Variants in UNC5C observed in about 807,000 individuals in gnomAD.
The protein encoded by UNC5C is netrin receptor UNC5C.
In UNC5C, 47 loss-of-function variants were observed where a neutral mutation model predicts 99.8. The ratio of observed to expected loss-of-function variants is 0.47; its 90% CI spans 0.37 to 0.60. The LOEUF (loss-of-function observed/expected upper bound fraction) is 0.60, where lower values mean the gene tolerates loss of function less well. Ranked by LOEUF, UNC5C falls within the 20% of genes least tolerant of loss-of-function variation. The probability of loss-of-function intolerance (pLI) is 0.00; values close to 1 mark genes in which losing one functional copy is unlikely to be tolerated. For synonymous variants in UNC5C, 487 were observed against 452.2 expected (o/e 1.08, Z -0.98); for missense variants, 1,062 against 1,165.9 (o/e 0.91, Z 1.30).
chr4:95,388,805 A>T (rs964983930), intron 1 of UNC5C, among the ~76,000 whole-genome samples: 1 of 152,184 alleles, frequency 6.6e-6, no homozygotes, highest in African/African-American at 2.4e-5. Context: ...AGACAAATTC[A>T]TATCATTTCT....
chr4:95,185,260 C>G (rs954363798), intron 12 of UNC5C, 64 bp from the exon 13 acceptor site: 38 of 1,524,474 alleles, frequency 2.5e-5, no homozygotes, highest in Non-Finnish European at 3.2e-5. Context: ...TCAGCTCTCT[C>G]ATTGAATAAG....
intron 1 of UNC5C, among the ~76,000 whole-genome samples, chr4:95,370,232 G>A (rs374364292): frequency 5.3e-5 from 8 of 151,696 alleles, no homozygotes; most frequent in Non-Finnish European, 2.9e-5. Flanking sequence ...TTTTATTATG[G>A]AATACATGTT....
At chr4:95,497,838 C>T (rs576331105) in intron 1 of UNC5C, among the ~76,000 whole-genome samples, 39 of 151,956 alleles carry the variant, frequency 2.6e-4, no homozygotes, top group African/African-American at 8.9e-4. Flanking sequence ...TTAAAAAATA[C>T]GCATTTTATT....
In UNC5C at chr4:95,424,518, C is replaced by CTTTCTTTTTTTTTTTTTTTTTTTT. The variant is rs1746411107; in HGVS notation, c.125-88888_125-88887insAAAAAAAAAAAAAAAAAAAAGAAA. ...GGCTTCAGAATTTTTTTTTTCTTTT[C>CTTTCTTTTTTTTTTTTTTTTTTTT]TTTTTTTTTTTTTTTTTTTTTGAGA... On this transcript the variant is annotated intron_variant, in intron 1 of 15. Coordinates refer to ENST00000453304, the MANE Select transcript of UNC5C (RefSeq NM_003728.4). Among the ~76,000 whole-genome samples, 53 of 67,954 alleles carry CTTTCTTTTTTTTTTTTTTTTTTTT rather than the reference C, an allele frequency of 7.8e-4. 1 individual carries two copies. Among genetic ancestry groups the CTTTCTTTTTTTTTTTTTTTTTTTT allele is most frequent in the Non-Finnish European group, 1.0e-3 (39 of 37,218 alleles). 44.6% of individuals were successfully genotyped at this position (67,954 alleles called of 152,430 possible).
intron 1 of UNC5C, among the ~76,000 whole-genome samples, chr4:95,356,193 C>CAAAAAAAAAAAAAAAA (rs59097041): frequency 1.7e-5 from 1 of 57,984 alleles, no homozygotes; most frequent in African/African-American, 7.9e-5. Flanking sequence ...GACCCTGTAG[C>CAAAAAAAAAAAAAAAA]AAAAAAAAAA....
intron 7 of UNC5C, among the ~76,000 whole-genome samples, chr4:95,230,500 G>A (rs1244113509): frequency 1.5e-4 from 22 of 149,574 alleles, no homozygotes; most frequent in South Asian, 4.3e-4. Flanking sequence ...TGATGTTTTA[G>A]TCATGAAGTC....
rs1265509176 is a variant in UNC5C at position 95,169,046 on chromosome 4, GTGA to G, written c.*185_*187del. On this transcript the variant is annotated 3_prime_UTR_variant, in exon 16 of 16. Transcript: ENST00000453304. ...ATTTACACAATTTTTCTTAACTCCC[GTGA>G]TGATGTCCGAGTAAAGTGGGCATGT... is the stretch of plus-strand genomic sequence containing the variant. 3.1e-6 allele frequency: 2 copies of G among 642,654 alleles called. No individual in the cohort carries two copies. The highest frequency in any genetic ancestry group is 5.2e-6 in the Non-Finnish European group (2 of 385,570). 39.8% of individuals were successfully genotyped at this position (642,654 alleles called of 1,614,324 possible). A position where few individuals can be genotyped will look rare whatever the true frequency, so the allele number is the denominator to read the frequency against.
rs925868027 is a variant in UNC5C at position 95,266,039 on chromosome 4, T to G, written c.594+12220A>C. Among the ~76,000 whole-genome samples the G allele has an allele frequency of 1.6e-4, 24 of 152,354 alleles. 1 individual carries two copies. The highest frequency in any genetic ancestry group is 2.6e-4 in the Admixed American group (4 of 15,310). On this transcript the variant is annotated intron_variant, in intron 4 of 15. Coordinates refer to ENST00000453304, the MANE Select transcript of UNC5C (RefSeq NM_003728.4). ...ACAATGATGATTCAGTGCCTCTTAG[T>G]GTCTCTATTAAGAAGTACATGTACA...
chr4:95,207,358 T>C (rs893947814), intron 10 of UNC5C, among the ~76,000 whole-genome samples: 1 of 152,196 alleles, frequency 6.6e-6, no homozygotes, highest in Non-Finnish European at 1.5e-5. Flanking sequence ...TAGAACTGTA[T>C]TTATACAGCA....
intron 4 of UNC5C, among the ~76,000 whole-genome samples, chr4:95,266,239 G>C (rs1277328517): frequency 6.6e-6 from 1 of 152,320 alleles, no homozygotes; most frequent in Admixed American, 6.5e-5. Flanking sequence ...ATCCCTGCTA[G>C]TGTATGTACA....
rs1031009673 is a variant in UNC5C at position 95,182,880 on chromosome 4, A to G, written c.2451+17T>C. On this transcript the variant is annotated intron_variant, in intron 14 of 15. Coordinates refer to ENST00000453304, the MANE Select transcript of UNC5C (RefSeq NM_003728.4). ...GTCGCACTCTCCCCTGATTTCAGAC[A>G]GACAGGAGCCACTTACCTCTGACAC... The G allele has an allele frequency of 7.5e-6, 12 of 1,601,232 alleles. No individual in the cohort carries two copies. Among genetic ancestry groups the G allele is most frequent in the Non-Finnish European group, 1.0e-5 (12 of 1,169,956 alleles).
intron 1 of UNC5C, among the ~76,000 whole-genome samples, chr4:95,489,628 G>C (rs1175306274): frequency 2.0e-5 from 3 of 151,794 alleles, no homozygotes; most frequent in African/African-American, 4.8e-5. Context: ...CCCTGGAAGG[G>C]AGCAGAGAGA....
chr4:95,199,696 A>G (rs1017091481), intron 12 of UNC5C, among the ~76,000 whole-genome samples: 9 of 152,286 alleles, frequency 5.9e-5, no homozygotes, highest in African/African-American at 2.2e-4. Context: ...GGAGAGAACT[A>G]TGTGTGTGAA....
intron 1 of UNC5C, among the ~76,000 whole-genome samples, chr4:95,401,331 C>T (rs971930396): frequency 6.6e-6 from 1 of 151,984 alleles, no homozygotes; most frequent in Admixed American, 6.6e-5. Context: ...CAGAGTCTCA[C>T]TTTGTCACCC....
At chr4:95,243,834 G>GAC (rs779538768) in intron 6 of UNC5C, among the ~76,000 whole-genome samples, 129 of 151,532 alleles carry the variant, frequency 8.5e-4, no homozygotes, top group Middle Eastern at 3.4e-3. Context: ...CCAAAACACT[G>GAC]ACACACACAC....
chr4:95,511,132 A>G (rs954624590), intron 1 of UNC5C, among the ~76,000 whole-genome samples: 3 of 152,100 alleles, frequency 2.0e-5, no homozygotes, highest in African/African-American at 7.2e-5. Context: ...ATGCCTTACA[A>G]CCTTTGATAA....
chr4:95,175,054 T>C (rs1302070243), intron 14 of UNC5C, among the ~76,000 whole-genome samples: 1 of 152,120 alleles, frequency 6.6e-6, no homozygotes, highest in African/African-American at 2.4e-5. Context: ...TATCAGAGAC[T>C]AGGATTGCAA....
intron 10 of UNC5C, 84 bp from the exon 11 acceptor site, chr4:95,206,880 C>T: frequency 1.2e-6 from 1 of 804,626 alleles, no homozygotes; most frequent in Non-Finnish European, 1.7e-6. Context: ...GCAAACAGGT[C>T]AAGTAGTTTT....
At chr4:95,437,795 G>C (rs773208155) in intron 1 of UNC5C, among the ~76,000 whole-genome samples, 3 of 152,076 alleles carry the variant, frequency 2.0e-5, no homozygotes, top group Non-Finnish European at 4.4e-5. Context: ...GATTGTGTAA[G>C]AAAAGCAATA....
Sources: allele counts gnomAD v4.1 joint callset (sites outside exome capture counted in the v4.1 genomes callset), GRCh38; gene constraint gnomAD v4.1.1; transcripts MANE v1.5; gene names NCBI Gene and HGNC (gene_info 2026-07-23, HGNC 2026-07-21).